Variants in NEDD9 observed in about 807,000 individuals in gnomAD.
The protein encoded by NEDD9 is neural precursor cell expressed, developmentally down-regulated 9.
Under a neutral mutation model 76.6 loss-of-function variants are expected in NEDD9, and 26 were observed. The ratio of observed to expected loss-of-function variants is 0.34; its 90% CI spans 0.25 to 0.47. The LOEUF is 0.47. NEDD9 is among the 20% of genes least tolerant of loss of function. The probability of loss-of-function intolerance (pLI) is 1.00; values close to 1 mark genes in which losing one functional copy is unlikely to be tolerated. For synonymous variants in NEDD9, 392 were observed against 414.2 expected, an observed-to-expected ratio of 0.95 and a Z score of 0.65; for missense variants, 937 against 1,058.5, an observed-to-expected ratio of 0.89 and a Z score of 1.59.
intron 1 of NEDD9, among the ~76,000 whole-genome samples, chr6:11,360,105 T>G (rs1382721005): frequency 6.6e-6 from 1 of 152,202 alleles, no homozygotes; most frequent in African/African-American, 2.4e-5. Flanking sequence ...ACAGTCCTAT[T>G]CAGCTCCCAA....
chr6:11,347,334 C>G (rs578057195), intron 1 of NEDD9, among the ~76,000 whole-genome samples: 1 of 152,282 alleles, frequency 6.6e-6, no homozygotes, highest in South Asian at 2.1e-4. Context: ...GGATTCACAA[C>G]CAAATTCTAC....
At chr6:11,316,400 G>A (rs975794859) in intron 2 of NEDD9, among the ~76,000 whole-genome samples, 2 of 152,030 alleles carry the variant, frequency 1.3e-5, no homozygotes, top group African/African-American at 4.8e-5. Context: ...TCACTCCCAC[G>A]TCTGATCGTC....
intron 3 of NEDD9, among the ~76,000 whole-genome samples, chr6:11,269,908 C>T (rs1760269424): frequency 6.6e-6 from 1 of 152,182 alleles, no homozygotes. Flanking sequence ...GGGTGGATCA[C>T]CTGAGGTCAG....
At chr6:11,347,616 T>C (rs1762387354) in intron 1 of NEDD9, among the ~76,000 whole-genome samples, 1 of 152,212 alleles carries the variant, frequency 6.6e-6, no homozygotes, top group Non-Finnish European at 1.5e-5. Flanking sequence ...GTAGGCTTTA[T>C]CCCTGGGACT....
chr6:11,311,409 A>C (rs1761361990), intron 2 of NEDD9, among the ~76,000 whole-genome samples: 1 of 152,266 alleles, frequency 6.6e-6, no homozygotes, highest in East Asian at 1.9e-4. Context: ...CACCAACCCT[A>C]CCGACCCGTT....
At chr6:11,234,466 C>T (rs1581975652), upstream of NEDD9, among the ~76,000 whole-genome samples, 1 of 152,186 alleles carries the variant, frequency 6.6e-6, no homozygotes, top group East Asian at 1.9e-4. Context: ...TGAGTGCTGT[C>T]CCATCCTATT....
intron 2 of NEDD9, among the ~76,000 whole-genome samples, chr6:11,202,066 A>G (rs1396823321): frequency 1.3e-5 from 2 of 152,216 alleles, no homozygotes; most frequent in Admixed American, 1.3e-4. Flanking sequence ...GAGAAGTTAA[A>G]AAGTGTCCCC....
chr6:11,246,427 C>T lies in NEDD9; in HGVS notation c.13-32700G>A, dbSNP rs76044795. Among the ~76,000 whole-genome samples the T allele has an allele frequency of 5.0e-3, 755 of 152,252 alleles. 11 individuals carry two copies. The East Asian group carries it at 0.059, about 12-fold the overall frequency. Reference sequence around the variant, plus strand: ...AGGGCCCAGGAATGAACCATCACGACGTGGTCCCCCAGGCCCCGGGCCCCA... The same window carrying T: ...AGGGCCCAGGAATGAACCATCACGATGTGGTCCCCCAGGCCCCGGGCCCCA... On this transcript the variant is annotated intron_variant, in intron 3 of 3. Coordinates refer to the NEDD9 transcript ENST00000397378.
intron 2 of NEDD9, chr6:11,306,181 A>T: frequency 1.3e-6 from 1 of 742,062 alleles, no homozygotes; most frequent in Non-Finnish European, 2.3e-6. Context: ...AGAGATGGAA[A>T]GGTTGGTAAG....
intron 3 of NEDD9, among the ~76,000 whole-genome samples, chr6:11,303,791 C>T (rs947403115): frequency 6.6e-6 from 1 of 152,154 alleles, no homozygotes; most frequent in Non-Finnish European, 1.5e-5. Flanking sequence ...CTTCTTTACA[C>T]CGTATATAAA....
At chr6:11,298,233 C>T (rs1210012778) in intron 3 of NEDD9, among the ~76,000 whole-genome samples, 1 of 152,010 alleles carries the variant, frequency 6.6e-6, no homozygotes, top group Non-Finnish European at 1.5e-5. Flanking sequence ...AACCAGCATC[C>T]TACCTGAAAA....
chr6:11,221,854 C>T (rs1019437989), intron 1 of NEDD9, among the ~76,000 whole-genome samples: 17 of 152,166 alleles, frequency 1.1e-4, no homozygotes, highest in Admixed American at 2.0e-4. Context: ...CACCCACCCA[C>T]CCACAAGATA....
chr6:11,366,443 AAAAAGAAAGAAAGAGAGAAAGG>A (rs1762772880), intron 1 of NEDD9, among the ~76,000 whole-genome samples: 1 of 151,820 alleles, frequency 6.6e-6, no homozygotes, highest in African/African-American at 2.4e-5. Context: ...GAAAGAAAGA[AAAAAGAAAGAAAGAGAGAAAGG>A]AAAAGAAAGA....
rs73721515 is a variant in NEDD9, at chr6:11,268,902, T to C, written c.12+37090A>G. On this transcript the variant is annotated intron_variant, in intron 3 of 3. Coordinates refer to the NEDD9 transcript ENST00000397378. ...ATCAGCTTGAAATTAGGAAGAGGGA[T>C]TTTACTTCTCTGTAAGAAATTTCAG... is the stretch of plus-strand genomic sequence containing the variant. 6.5e-3 allele frequency among the ~76,000 whole-genome samples: 991 copies of C among 152,294 alleles called. 16 individuals are homozygous for C. The highest frequency in any genetic ancestry group is 0.023 in the African/African-American group (938 of 41,550).
chr6:11,220,056 C>A (rs1380248507), intron 1 of NEDD9, among the ~76,000 whole-genome samples: 1 of 152,050 alleles, frequency 6.6e-6, no homozygotes, highest in Admixed American at 6.6e-5. Context: ...AATTTTTTCC[C>A]AGTACTATTT....
chr6:11,299,459 G>A (rs1158399365), intron 3 of NEDD9, among the ~76,000 whole-genome samples: 3 of 152,222 alleles, frequency 2.0e-5, no homozygotes, highest in Admixed American at 6.5e-5. Context: ...GACAGCTTCT[G>A]CAGACTTAAA....
intron 2 of NEDD9, among the ~76,000 whole-genome samples, chr6:11,332,475 C>T (rs140169768): frequency 1.2e-3 from 180 of 152,330 alleles, no homozygotes; most frequent in African/African-American, 3.9e-3. Context: ...CATTGCGCTA[C>T]GTCCGCTTCT....
upstream of NEDD9, among the ~76,000 whole-genome samples, chr6:11,234,712 ATTTTTTTTT>A (rs140513398): frequency 1.5e-5 from 2 of 136,956 alleles, no homozygotes; most frequent in African/African-American, 5.5e-5. Flanking sequence ...AACATTTTTA[ATTTTTTTTT>A]TTTTTTTTTT....
At chr6:11,234,918 G>T (rs1181129839), upstream of NEDD9, among the ~76,000 whole-genome samples, 1 of 152,000 alleles carries the variant, frequency 6.6e-6, no homozygotes, top group East Asian at 1.9e-4. Flanking sequence ...CACCAGATTG[G>T]CCAGGCTGGT....
Sources: allele counts gnomAD v4.1 joint callset (sites outside exome capture counted in the v4.1 genomes callset), GRCh38; gene constraint gnomAD v4.1.1; transcripts MANE v1.5; gene names NCBI Gene and HGNC (gene_info 2026-07-23, HGNC 2026-07-21).